The following PCDHA6 variants were observed in gnomAD, a reference collection of about 807,000 sequenced individuals.
The protein encoded by PCDHA6 is protocadherin alpha-6.
In PCDHA6, 55 loss-of-function variants were observed where a neutral mutation model predicts 60.3. The observed-to-expected ratio is 0.91, with a 90% CI of 0.73 to 1.14. The LOEUF (loss-of-function observed/expected upper bound fraction) is 1.14. PCDHA6 is among the 50% of genes most tolerant of loss of function. PCDHA6 has a pLI of 0.00. For synonymous variants in PCDHA6, 652 were observed against 557.9 expected (o/e 1.17, Z -2.38); for missense variants, 1,327 against 1,256.5 (o/e 1.06, Z -0.85).
Position 141,011,486 on chromosome 5 carries a change from T to C in PCDHA6, c.*1549T>C, listed in dbSNP as rs887081256. ...GAATGTAATTCCATTATATTTCCTT[T>C]TGTACACCTGTGAAAAAGTGGAGTA... is the stretch of plus-strand genomic sequence containing the variant. On this transcript the variant is annotated 3_prime_UTR_variant, in exon 4 of 4. Coordinates refer to ENST00000529310, the MANE Select transcript of PCDHA6 (RefSeq NM_018909.4). 15 of 153,928 alleles carry C rather than the reference T, an allele frequency of 9.7e-5. No homozygotes were observed. Among genetic ancestry groups the C allele is most frequent in the African/African-American group, 2.9e-4 (12 of 41,596 alleles). The allele number at this position is 153,928 out of a possible 1,614,324, so 9.5% of individuals were successfully genotyped here.
intron 1 of PCDHA6, chr5:140,856,146 C>T: frequency 6.3e-7 from 1 of 1,598,308 alleles, no homozygotes; most frequent in Middle Eastern, 1.7e-4. Flanking sequence ...CTCCACTACT[C>T]AGTCTACGAG....
chr5:140,961,025 C>G (rs1283958205), intron 1 of PCDHA6, among the ~76,000 whole-genome samples: 1 of 152,150 alleles, frequency 6.6e-6, no homozygotes, highest in African/African-American at 2.4e-5. Context: ...CACTTGCTAC[C>G]TCCTTGTTTT....
rs782543757 is a variant in PCDHA6 at position 140,829,598 on chromosome 5, G to C, written c.1507G>C (p.Ala503Pro). The change falls in exon 1 of 4, where the codon GCG becomes CCG. Residue 503 changes from alanine to proline, a missense_variant. By Grantham distance (27) the Ala-to-Pro change is conservative (BLOSUM62 -1). Transcript: ENST00000529310. ...SLVERRVGER[A>P]LSSYISVHAE... ...GGTGGAGCGGCGGGTGGGCGAGCGCGCGTTGTCGAGCTACATTTCGGTGCA... is the reference window on the plus strand; with the variant it reads ...GGTGGAGCGGCGGGTGGGCGAGCGCCCGTTGTCGAGCTACATTTCGGTGCA... 3.1e-6 allele frequency: 5 copies of C among 1,611,978 alleles called. No homozygotes were observed. The highest frequency in any genetic ancestry group is 4.2e-6 in the Non-Finnish European group (5 of 1,179,780).
At chr5:140,861,334 A>G in intron 1 of PCDHA6, 1 of 250,308 alleles carries the variant, frequency 4.0e-6, no homozygotes, top group Non-Finnish European at 8.2e-6. Context: ...CCATCCTGGA[A>G]GAGGCCAAGG....
At position 141,009,895 on chromosome 5, in the gene PCDHA6, A is replaced by G; in HGVS notation, c.2811A>G (p.Lys937=). ...AGAAGGGTAACAAGACCCAGGAGAA[A>G]AAAGAGAAAGGGAACAGCACGACTG... ...KKKKGNKTQE[K]KEKGNSTTDN... The change falls in exon 4 of 4, where the codon AAA becomes AAG. Residue 937 remains lysine (K), a synonymous_variant. Coordinates refer to ENST00000529310, the MANE Select transcript of PCDHA6 (RefSeq NM_018909.4). 2 of 1,613,224 alleles carry G rather than the reference A, an allele frequency of 1.2e-6. No homozygotes were observed. Among genetic ancestry groups the G allele is most frequent in the Non-Finnish European group, 1.7e-6 (2 of 1,179,866 alleles).
chr5:140,969,221 C>T, intron 1 of PCDHA6: 2 of 1,614,158 alleles, frequency 1.2e-6, no homozygotes, highest in Non-Finnish European at 1.7e-6. Context: ...AGGACCAGGG[C>T]CTTCGGGAGC....
intron 3 of PCDHA6, among the ~76,000 whole-genome samples, chr5:140,993,470 ACAC>A: frequency 8.7e-6 from 1 of 115,268 alleles, no homozygotes; most frequent in South Asian, 2.9e-4. Context: ...TCTCACACAC[ACAC>A]ACACACACAC....
intron 1 of PCDHA6, chr5:140,834,431 G>C (rs2150217688): frequency 1.2e-6 from 2 of 1,611,242 alleles, no homozygotes; most frequent in Admixed American, 1.7e-5. Context: ...ATCTACTGCT[G>C]TTTATTATAA....
chr5:140,872,338 A>T (rs970096150), intron 1 of PCDHA6, among the ~76,000 whole-genome samples: 2 of 152,156 alleles, frequency 1.3e-5, no homozygotes, highest in Non-Finnish European at 2.9e-5. Context: ...AAAATTCTAC[A>T]TGTTCTTGCC....
chr5:140,927,920 T>G (rs782193396), intron 1 of PCDHA6: 1 of 1,614,120 alleles, frequency 6.2e-7, no homozygotes, highest in Non-Finnish European at 8.5e-7. Flanking sequence ...CTGGACTTCC[T>G]GACTCTTTCG....
At chr5:140,998,247 T>C (rs2097802911) in intron 3 of PCDHA6, among the ~76,000 whole-genome samples, 1 of 152,216 alleles carries the variant, frequency 6.6e-6, no homozygotes, top group Non-Finnish European at 1.5e-5. Flanking sequence ...ATTATACTCA[T>C]TTTACTGCTA....
chr5:140,848,469 T>G, intron 1 of PCDHA6: 9 of 1,548,186 alleles, frequency 5.8e-6, no homozygotes, highest in Non-Finnish European at 7.9e-6. Context: ...CAATTTTCAC[T>G]AATTAGAAGA....
chr5:140,991,837 C>T (rs1379982421), intron 3 of PCDHA6, among the ~76,000 whole-genome samples: 3 of 152,158 alleles, frequency 2.0e-5, no homozygotes, highest in African/African-American at 7.2e-5. Context: ...ACGGCAGAAC[C>T]GCACTTCCAG....
chr5:140,875,497 C>T, intron 1 of PCDHA6: 1 of 1,613,256 alleles, frequency 6.2e-7, no homozygotes, highest in Non-Finnish European at 8.5e-7. Flanking sequence ...ACCAAGAGGC[C>T]CGGGATCCCA....
chr5:140,969,222 C>T (rs782010447), intron 1 of PCDHA6: 1 of 1,614,154 alleles, frequency 6.2e-7, no homozygotes, highest in Non-Finnish European at 8.5e-7. Flanking sequence ...GGACCAGGGC[C>T]TTCGGGAGCC....
At chr5:140,847,907 G>GT (rs1781241234) in intron 1 of PCDHA6, 1 of 149,326 alleles carries the variant, frequency 6.7e-6, no homozygotes, top group Non-Finnish European at 1.5e-5. Context: ...TAGATTTCTG[G>GT]GCTCCTATAT....
chr5:140,850,233 A>C lies in PCDHA6; in HGVS notation c.2394+19748A>C, dbSNP rs2150474794. The C allele has an allele frequency of 2.5e-6, 4 of 1,593,908 alleles. No individual in the cohort carries two copies. In the South Asian group the frequency reaches 4.4e-5, roughly 18 times the overall value. On this transcript the variant is annotated intron_variant, in intron 1 of 3. Transcript: ENST00000529310. The stretch of plus-strand genomic sequence containing the variant: ...GGGCACTGACGGCGCAGTGAGCGAG[A>C]TGGTGCTGCGGTCGGTGGGCGCCGG...
chr5:140,920,277 T>C (rs1275415444), intron 1 of PCDHA6, among the ~76,000 whole-genome samples: 1 of 152,230 alleles, frequency 6.6e-6, no homozygotes, highest in African/African-American at 2.4e-5. Context: ...TTATGTAATC[T>C]TATATTTTTT....
In PCDHA6 at chr5:140,829,345, G is replaced by A. The variant is rs2150166310; in HGVS notation, c.1254G>A (p.Val418=). The A allele has an allele frequency of 4.3e-6, 7 of 1,614,136 alleles. No homozygotes were observed. In the African/African-American group the frequency reaches 8.0e-5, roughly 18 times the overall value. ...VLDSALDRES[V]SAYELVVTAR... ...ACAGTGCCCTGGACCGCGAGAGCGT[G>A]TCGGCCTATGAGTTGGTGGTAACCG... is the stretch of plus-strand genomic sequence containing the variant. The change falls in exon 1 of 4, where the codon GTG becomes GTA. Residue 418 remains valine, a synonymous_variant. Transcript: ENST00000529310.
Sources: allele counts gnomAD v4.1 joint callset (sites outside exome capture counted in the v4.1 genomes callset), GRCh38; gene constraint gnomAD v4.1.1; transcripts MANE v1.5; gene names NCBI Gene and HGNC (gene_info 2026-07-23, HGNC 2026-07-21).